The following NRG1 variants were observed in gnomAD, a reference collection of about 807,000 sequenced individuals.
NRG1 encodes the protein neuregulin 1.
In NRG1, 18 loss-of-function variants were observed where a neutral mutation model predicts 63.8. The ratio of observed to expected loss-of-function variants is 0.28; its 90% CI spans 0.19 to 0.42. The LOEUF (loss-of-function observed/expected upper bound fraction) is 0.42. NRG1 is among the 10% of genes least tolerant of loss of function. The pLI is 1.00. For missense variants in NRG1, 762 were observed against 814.7 expected (o/e 0.94, Z 0.79); for synonymous variants, 302 against 301.3 (o/e 1.00, Z -0.02).
At chr8:32,767,891 T>G (rs1421316813) in exon 12 of NRG1, 1 of 152,194 alleles carries the variant, frequency 6.6e-6, no homozygotes, top group East Asian at 1.9e-4. Flanking sequence ...TAAGTAATTG[T>G]GATTTATTTA....
chr8:32,344,730 G>C (rs1036712688), intron 1 of NRG1, among the ~76,000 whole-genome samples: 2 of 150,622 alleles, frequency 1.3e-5, no homozygotes. Flanking sequence ...TTACAGGTGT[G>C]AGCCACCATA....
chr8:32,072,078 T>C (rs996880840), intron 1 of NRG1, among the ~76,000 whole-genome samples: 14 of 152,106 alleles, frequency 9.2e-5, no homozygotes, highest in African/African-American at 3.4e-4. Flanking sequence ...ATAACCATAA[T>C]TCATCCTGGC....
intron 5 of NRG1, among the ~76,000 whole-genome samples, chr8:32,713,147 A>G (rs1039588794): frequency 2.0e-5 from 3 of 152,194 alleles, no homozygotes; most frequent in African/African-American, 7.2e-5. Context: ...CACTTAACAG[A>G]TTAAATTTCA....
chr8:32,763,628 C>A, intron 11 of NRG1, 120 bp from the exon 12 acceptor site: 3 of 1,191,022 alleles, frequency 2.5e-6, no homozygotes, highest in Admixed American at 4.9e-5. Flanking sequence ...AAGCAGCCTA[C>A]AATGAATAGA....
At chr8:32,505,259 T>G (rs2129497936) in intron 1 of NRG1, among the ~76,000 whole-genome samples, 1 of 152,268 alleles carries the variant, frequency 6.6e-6, no homozygotes, top group South Asian at 2.1e-4. Context: ...TAAATCTAAT[T>G]TATGCTTGTT....
At chr8:32,087,712 G>A (rs1828476740) in intron 1 of NRG1, among the ~76,000 whole-genome samples, 1 of 151,986 alleles carries the variant, frequency 6.6e-6, no homozygotes. Context: ...CTTGTGATCT[G>A]CCCGCCTCAG....
intron 1 of NRG1, among the ~76,000 whole-genome samples, chr8:32,074,856 A>G (rs1441661659): frequency 1.3e-5 from 2 of 152,186 alleles, no homozygotes; most frequent in African/African-American, 2.4e-5. Context: ...TTTCTTTTCA[A>G]TCAATATGAA....
intron 1 of NRG1, among the ~76,000 whole-genome samples, chr8:32,401,531 T>C (rs62500161): frequency 0.25 from 38,654 of 152,022 alleles, 5,425 homozygotes; most frequent in Middle Eastern, 0.35. Flanking sequence ...CATTCTATAG[T>C]CATTCGATGA....
chr8:32,639,135 G>A (rs1439910112), intron 5 of NRG1, among the ~76,000 whole-genome samples: 1 of 152,160 alleles, frequency 6.6e-6, no homozygotes, highest in South Asian at 2.1e-4. Context: ...GCCAGGCGTG[G>A]TGGCTCATGC....
chr8:32,306,674 T>C (rs1856221548), intron 1 of NRG1, among the ~76,000 whole-genome samples: 1 of 152,210 alleles, frequency 6.6e-6, no homozygotes, highest in South Asian at 2.1e-4. Flanking sequence ...TATTTTAAAG[T>C]TGACATAAAT....
rs1054971404 is a variant in NRG1 at position 32,194,450 on chromosome 8, A to G, written c.38-401378A>G. On this transcript the variant is annotated intron_variant, in intron 1 of 10. Transcript: ENST00000519301. ...GCCACATCATGATGATTCAGCTCTC[A>G]TCTCTATTTCTCTAGGCAGAATGCA... Among the ~76,000 whole-genome samples, 85 of 152,066 alleles carry G rather than the reference A, an allele frequency of 5.6e-4. 2 individuals carry two copies. Among genetic ancestry groups the G allele is most frequent in the Admixed American group, 1.3e-4 (2 of 15,252 alleles).
chr8:32,732,274 A>C (rs1256287037), intron 6 of NRG1, among the ~76,000 whole-genome samples: 1 of 152,228 alleles, frequency 6.6e-6, no homozygotes, highest in African/African-American at 2.4e-5. Flanking sequence ...CTGATGCTTT[A>C]TGTAGTCCTG....
intron 1 of NRG1, among the ~76,000 whole-genome samples, chr8:32,502,349 CT>C (rs1440412301): frequency 6.6e-6 from 1 of 150,850 alleles, no homozygotes. Context: ...CTTGAGAAAT[CT>C]GCCCCCATGA....
intron 11 of NRG1, chr8:32,763,338 A>G (rs144240622): frequency 2.6e-4 from 414 of 1,613,908 alleles, no homozygotes; most frequent in Non-Finnish European, 3.3e-4. Context: ...TCATTCTCTA[A>G]GACCCCTTGG....
intron 1 of NRG1, among the ~76,000 whole-genome samples, chr8:32,400,561 T>C (rs1462360934): frequency 2.0e-5 from 3 of 152,138 alleles, no homozygotes; most frequent in Admixed American, 2.0e-4. Context: ...ATATCACTGA[T>C]CATCAGAGAG....
intron 5 of NRG1, among the ~76,000 whole-genome samples, chr8:32,639,283 G>A (rs1331396907): frequency 1.3e-5 from 2 of 152,120 alleles, no homozygotes; most frequent in Non-Finnish European, 2.9e-5. Flanking sequence ...GTGCATGCCT[G>A]TAATCCCAGC....
intron 1 of NRG1, among the ~76,000 whole-genome samples, chr8:32,580,861 C>A (rs1840516688): frequency 6.6e-6 from 1 of 152,022 alleles, no homozygotes; most frequent in South Asian, 2.1e-4. Flanking sequence ...ACCCATTGAG[C>A]AGTGTTCAAC....
At chr8:31,949,356 T>C (rs1172171142) in intron 1 of NRG1, among the ~76,000 whole-genome samples, 1 of 152,220 alleles carries the variant, frequency 6.6e-6, no homozygotes, top group Non-Finnish European at 1.5e-5. Flanking sequence ...GAAAAACTTG[T>C]CTGCCTTTAT....
chr8:32,068,001 T>C (rs1254539428), intron 1 of NRG1, among the ~76,000 whole-genome samples: 1 of 152,140 alleles, frequency 6.6e-6, no homozygotes, highest in Non-Finnish European at 1.5e-5. Context: ...ACCTTCAAGA[T>C]GAGTCATTTG....
Sources: gnomAD v4.1 joint callset for allele counts (sites outside exome capture counted in the v4.1 genomes callset) on GRCh38, gnomAD v4.1.1 for gene constraint, MANE v1.5 for transcripts, NCBI Gene and HGNC (gene_info 2026-07-23, HGNC 2026-07-21) for gene names.